Variants in OTOGL observed in about 807,000 individuals in gnomAD.
OTOGL encodes otogelin like.
OTOGL carries 285 observed loss-of-function variants against 318.5 expected under a neutral mutation model. The ratio of observed to expected loss-of-function variants is 0.89; its 90% CI spans 0.81 to 0.99. The LOEUF (loss-of-function observed/expected upper bound fraction) is 0.99, where lower values mean the gene tolerates loss of function less well. Among genes scored for constraint, OTOGL ranks in the 50% least tolerant of loss-of-function variants. OTOGL has a pLI of 0.00. For missense variants in OTOGL, 2,899 were observed against 2,845.6 expected, an observed-to-expected ratio of 1.02 and a Z score of -0.43; for synonymous variants, 987 against 936.5, an observed-to-expected ratio of 1.05 and a Z score of -0.99.
At chr12:80,269,511 T>A (rs1883243425) in intron 22 of OTOGL, among the ~76,000 whole-genome samples, 1 of 152,212 alleles carries the variant, frequency 6.6e-6, no homozygotes, top group Non-Finnish European at 1.5e-5. Context: ...TTCTAGGAGC[T>A]AGCCTCTGCC....
intron 4 of OTOGL, among the ~76,000 whole-genome samples, chr12:80,215,710 T>G (rs1025443926): frequency 1.4e-4 from 21 of 152,300 alleles, no homozygotes; most frequent in African/African-American, 5.1e-4. Context: ...ATTAAAGGGA[T>G]AGACATAAAT....
intron 1 of OTOGL, among the ~76,000 whole-genome samples, chr12:80,156,432 T>C (rs779992620): frequency 2.6e-5 from 4 of 152,206 alleles, no homozygotes; most frequent in Non-Finnish European, 5.9e-5. Context: ...TCTATCCTAT[T>C]AGTTCTGTCC....
intron 27 of OTOGL, among the ~76,000 whole-genome samples, chr12:80,302,133 G>A (rs1885804412): frequency 2.0e-5 from 3 of 152,230 alleles, no homozygotes; most frequent in East Asian, 1.9e-4. Context: ...GAAAGGCAAT[G>A]TCTCCTACCA....
chr12:80,204,105 G>C (rs1430256135), intron 1 of OTOGL, among the ~76,000 whole-genome samples: 2 of 152,194 alleles, frequency 1.3e-5, no homozygotes, highest in Non-Finnish European at 2.9e-5. Flanking sequence ...GGGGGTATGG[G>C]AAGAGGTCAT....
chr12:80,255,253 C>G lies in OTOGL; in HGVS notation c.1587+68C>G, dbSNP rs1241955317. ...ATTTTTGCTTAAACTTCATTTCAGA[C>G]TAAGAATGATAACATGAGTGGATAT... On this transcript the variant is annotated intron_variant, in intron 16 of 58. Transcript: ENST00000547103. 3.1e-6 allele frequency: 4 copies of G among 1,291,484 alleles called. No individual in the cohort carries two copies. The African/African-American group carries it at 4.6e-5, about 15-fold the overall frequency. 80.0% of individuals were successfully genotyped at this position (1,291,484 alleles called of 1,614,324 possible). A position where few individuals can be genotyped will look rare whatever the true frequency, so the allele number is the denominator to read the frequency against.
intron 26 of OTOGL, among the ~76,000 whole-genome samples, chr12:80,294,149 T>TA (rs1329551202): frequency 3.3e-5 from 5 of 152,130 alleles, no homozygotes; most frequent in African/African-American, 1.2e-4. Context: ...AACAACTCTG[T>TA]GGCATTATTT....
chr12:80,263,766 ACT>A (rs1227177229), intron 19 of OTOGL, among the ~76,000 whole-genome samples: 2 of 152,022 alleles, frequency 1.3e-5, no homozygotes, highest in African/African-American at 2.4e-5. Flanking sequence ...AAAGTCAATA[ACT>A]CTGATCTAGA....
At chr12:80,221,031 C>T (rs1221827802) in intron 6 of OTOGL, among the ~76,000 whole-genome samples, 2 of 151,828 alleles carry the variant, frequency 1.3e-5, no homozygotes, top group African/African-American at 4.8e-5. Context: ...ACCTTTATGC[C>T]CCCCACCCAG....
chr12:80,352,162 A>C (rs1156618022), intron 44 of OTOGL, 133 bp from the exon 45 acceptor site: 3 of 787,664 alleles, frequency 3.8e-6, no homozygotes, highest in Non-Finnish European at 5.8e-6. Context: ...ATTTTTGAAA[A>C]TGTAAAGTCT....
chr12:80,295,668 C>T (rs1592670896), intron 26 of OTOGL, among the ~76,000 whole-genome samples: 2 of 152,252 alleles, frequency 1.3e-5, no homozygotes. Context: ...TGAATGGGCT[C>T]TTAGAGCAGT....
chr12:80,356,773 A>G (rs1367466049), intron 48 of OTOGL, 34 bp from the exon 49 acceptor site: 4 of 1,335,056 alleles, frequency 3.0e-6, no homozygotes, highest in East Asian at 2.4e-5. Flanking sequence ...TTATTATGCT[A>G]TACAAATTTT....
At chr12:80,370,543 A>C in intron 55 of OTOGL, 27 bp from the exon 56 acceptor site, 1 of 1,457,670 alleles carries the variant, frequency 6.9e-7, no homozygotes, top group Non-Finnish European at 9.1e-7. Flanking sequence ...TAATATGCTA[A>C]ATAGTAACTT....
chr12:80,214,594 T>G (rs576422607), intron 4 of OTOGL, among the ~76,000 whole-genome samples: 1 of 152,250 alleles, frequency 6.6e-6, no homozygotes, highest in Non-Finnish European at 1.5e-5. Context: ...ATCAACAAAG[T>G]CTGCTGCAGT....
chr12:80,275,206 A>G (rs1883707822), intron 24 of OTOGL, among the ~76,000 whole-genome samples: 1 of 152,012 alleles, frequency 6.6e-6, no homozygotes, highest in African/African-American at 2.4e-5. Flanking sequence ...ACTATTCTAA[A>G]TACCATTAAG....
intron 1 of OTOGL, among the ~76,000 whole-genome samples, chr12:80,127,979 G>A (rs911263820): frequency 6.6e-6 from 1 of 152,080 alleles, no homozygotes; most frequent in African/African-American, 2.4e-5. Context: ...TTTGCCATGG[G>A]TTCAAACTTC....
At chr12:80,168,865 T>C (rs1312368165) in intron 1 of OTOGL, among the ~76,000 whole-genome samples, 2 of 152,224 alleles carry the variant, frequency 1.3e-5, no homozygotes, top group Non-Finnish European at 2.9e-5. Context: ...TGAGTATGTA[T>C]CTGTAGCAGA....
chr12:80,119,087 C>T (rs146334066), intron 1 of OTOGL, among the ~76,000 whole-genome samples: 113 of 152,218 alleles, frequency 7.4e-4, no homozygotes, highest in Non-Finnish European at 1.4e-3. Context: ...CTAGAAAAGA[C>T]AGTGGGAAGA....
At chr12:80,130,035 C>A (rs1871140797) in intron 1 of OTOGL, among the ~76,000 whole-genome samples, 3 of 152,142 alleles carry the variant, frequency 2.0e-5, no homozygotes, top group Admixed American at 2.0e-4. Context: ...TTTTCTATCT[C>A]CTTTTTTTTC....
chr12:80,251,443 A>G (rs564509095), intron 11 of OTOGL, among the ~76,000 whole-genome samples: 47 of 152,358 alleles, frequency 3.1e-4, no homozygotes, highest in African/African-American at 1.1e-3. Context: ...ACTCAAAAGA[A>G]AAGTGATAAA....
Sources: allele counts gnomAD v4.1 joint callset (sites outside exome capture counted in the v4.1 genomes callset), GRCh38; gene constraint gnomAD v4.1.1; transcripts MANE v1.5; gene names NCBI Gene and HGNC (gene_info 2026-07-23, HGNC 2026-07-21).